Variants in SCN3A observed in about 807,000 individuals in gnomAD.
SCN3A encodes the protein sodium voltage-gated channel alpha subunit 3.
In SCN3A, 60 loss-of-function variants were observed where a neutral mutation model predicts 187.6. The observed-to-expected ratio is 0.32, with a 90% CI of 0.26 to 0.40. The LOEUF is 0.40. SCN3A is among the 10% of genes least tolerant of loss of function. The pLI, the probability that SCN3A is intolerant of heterozygous loss-of-function variation, is 1.00. For synonymous variants in SCN3A, 788 were observed against 829.2 expected (o/e 0.95, Z 0.85); for missense variants, 1,601 against 2,428.2 (o/e 0.66, Z 7.16).
At chr2:165,103,906 A>ATTTTATTTT (rs1490925707) in intron 21 of SCN3A, among the ~76,000 whole-genome samples, 1 of 152,168 alleles carries the variant, frequency 6.6e-6, no homozygotes, top group Admixed American at 6.5e-5. Context: ...TAAAATCAGA[A>ATTTTATTTT]TAAAAGAGTA....
intron 9 of SCN3A, among the ~76,000 whole-genome samples, chr2:165,161,228 TC>T (rs1689377748): frequency 6.7e-6 from 1 of 150,262 alleles, no homozygotes; most frequent in African/African-American, 2.4e-5. Context: ...CTTACAATTG[TC>T]CATGTGATAG....
At chr2:165,097,616 A>G in intron 22 of SCN3A, 92 bp from the exon 23 acceptor site, 1 of 1,473,474 alleles carries the variant, frequency 6.8e-7, no homozygotes, top group Non-Finnish European at 9.3e-7. Context: ...TATGTGCTTG[A>G]AAAGAGTTAA....
intron 2 of SCN3A, among the ~76,000 whole-genome samples, chr2:165,185,990 T>A (rs1691203464): frequency 6.6e-6 from 1 of 152,048 alleles, no homozygotes; most frequent in Non-Finnish European, 1.5e-5. Flanking sequence ...AAAACTCAGT[T>A]GCTGGGCGCG....
chr2:165,113,622 A>G (rs993519574), intron 20 of SCN3A, among the ~76,000 whole-genome samples, 194 bp downstream of exon 20: 4 of 152,204 alleles, frequency 2.6e-5, no homozygotes, highest in African/African-American at 9.7e-5. Flanking sequence ...CAGATGAGAA[A>G]TTCCATCTGG....
intron 21 of SCN3A, among the ~76,000 whole-genome samples, chr2:165,105,345 G>C (rs1685797826): frequency 6.6e-6 from 1 of 152,114 alleles, no homozygotes; most frequent in African/African-American, 2.4e-5. Flanking sequence ...CTGAAGTTGA[G>C]TTTTTCCCAT....
chr2:165,103,896 T>C (rs1172809834), intron 21 of SCN3A, among the ~76,000 whole-genome samples: 1 of 152,146 alleles, frequency 6.6e-6, no homozygotes, highest in African/African-American at 2.4e-5. Context: ...GCATTCTCAT[T>C]AAAATCAGAA....
Position 165,127,950 on chromosome 2 carries a change from C to A in SCN3A, c.3074G>T (p.Cys1025Phe). 6.2e-7 allele frequency: 1 copy of A among 1,614,000 alleles called. No homozygotes were observed. Among genetic ancestry groups the A allele is most frequent in the Non-Finnish European group, 8.5e-7 (1 of 1,179,980 alleles). The change falls in exon 18 of 28, where the codon TGT (cysteine) becomes TTT (phenylalanine). Residue 1025 changes from cysteine (C) to phenylalanine (F), a missense_variant. Cys to Phe is a radical substitution (Grantham distance 205). Transcript: ENST00000283254. The stretch of plus-strand genomic sequence containing the variant: ...CTTTCTAAAAAAGGCTTTTTGGAAA[C>A]ACTCCCGCATCTTATTTTTCACATA... ...IDYVKNKMRE[C>F]FQKAFFRKPK...
chr2:165,178,922 G>A (rs78138732), intron 2 of SCN3A, among the ~76,000 whole-genome samples: 38 of 152,174 alleles, frequency 2.5e-4, no homozygotes, highest in East Asian at 2.3e-3. Context: ...AAGCTGTGTG[G>A]AATAATCACA....
chr2:165,107,086 C>A (rs990489039), intron 21 of SCN3A, among the ~76,000 whole-genome samples: 1 of 152,044 alleles, frequency 6.6e-6, no homozygotes, highest in African/African-American at 2.4e-5. Flanking sequence ...GGAAGAAATG[C>A]ATGACTTAGA....
At chr2:165,165,930 C>G (rs1483909269) in intron 5 of SCN3A, among the ~76,000 whole-genome samples, 1 of 152,162 alleles carries the variant, frequency 6.6e-6, no homozygotes, top group East Asian at 1.9e-4. Flanking sequence ...AAGTAGCTGA[C>G]TATTAGGAAG....
intron 21 of SCN3A, among the ~76,000 whole-genome samples, chr2:165,101,331 T>C (rs1273659684): frequency 6.6e-6 from 1 of 152,132 alleles, no homozygotes; most frequent in Non-Finnish European, 1.5e-5. Context: ...GGGGAGGAAG[T>C]TTATTTGCTT....
chr2:165,175,494 T>C (rs1249741203), intron 3 of SCN3A, among the ~76,000 whole-genome samples: 1 of 152,108 alleles, frequency 6.6e-6, no homozygotes, highest in Non-Finnish European at 1.5e-5. Flanking sequence ...TCTTTCTTTT[T>C]GGTCTTCCAA....
chr2:165,102,321 C>T (rs75921532), intron 21 of SCN3A, among the ~76,000 whole-genome samples: 6,330 of 152,140 alleles, frequency 0.042, 414 homozygotes, highest in African/African-American at 0.14. Flanking sequence ...GACCAGCCTG[C>T]GCAATAGAGT....
Position 165,163,871 on chromosome 2 carries a change from G to T in SCN3A, c.603-162C>A, listed in dbSNP as rs761496434. ...GTTCGAAGGGCTGAAACATTGCCTA[G>T]GCTTACAAATTCTGTTACATACCTG... On this transcript the variant is annotated intron_variant, in intron 6 of 27. Coordinates refer to ENST00000283254, the MANE Select transcript of SCN3A (RefSeq NM_006922.4). 3 of 1,613,598 alleles carry T rather than the reference G, an allele frequency of 1.9e-6. No individual in the cohort carries two copies. The Admixed American group carries it at 5.0e-5, about 27-fold the overall frequency.
intron 5 of SCN3A, 50 bp from the exon 6 acceptor site, chr2:165,164,570 A>C: frequency 6.2e-7 from 1 of 1,602,368 alleles, no homozygotes; most frequent in Non-Finnish European, 8.5e-7. Context: ...GAACTGTTAA[A>C]ATAAATGTTT....
chr2:165,116,943 A>ATTT (rs11395597), intron 18 of SCN3A, among the ~76,000 whole-genome samples: 21,764 of 117,966 alleles, frequency 0.18, 2,277 homozygotes, highest in African/African-American at 0.23. Flanking sequence ...TGATAGCACA[A>ATTT]TTTTTTTTTT....
intron 12 of SCN3A, among the ~76,000 whole-genome samples, chr2:165,144,226 C>T (rs1001553248): frequency 3.3e-5 from 5 of 152,050 alleles, no homozygotes; most frequent in Admixed American, 1.3e-4. Flanking sequence ...AATTGTAAAC[C>T]GTTTATGGTA....
In SCN3A at chr2:165,139,462, G is replaced by T; in HGVS notation, c.2152+14C>A. 1 of 1,613,692 alleles carries T rather than the reference G, an allele frequency of 6.2e-7. No individual in the cohort carries two copies. The highest frequency in any genetic ancestry group is 1.1e-5 in the South Asian group (1 of 91,054). ...AATCACAGAAAGTTGGCTGTTCCAT[G>T]ACCTGCTTCTTACCTTCCATTGTGT... On this transcript the variant is annotated intron_variant, in intron 14 of 27. Coordinates refer to ENST00000283254, the MANE Select transcript of SCN3A (RefSeq NM_006922.4).
At chr2:165,192,213 C>T (rs890172103) in intron 1 of SCN3A, among the ~76,000 whole-genome samples, 2 of 151,994 alleles carry the variant, frequency 1.3e-5, no homozygotes, top group South Asian at 2.1e-4. Context: ...ACATACATTA[C>T]AATCCTCTTT....
Sources: gnomAD v4.1 joint callset for allele counts (sites outside exome capture counted in the v4.1 genomes callset) on GRCh38, gnomAD v4.1.1 for gene constraint, MANE v1.5 for transcripts, NCBI Gene and HGNC (gene_info 2026-07-23, HGNC 2026-07-21) for gene names.